RARB: variants seen among roughly 807,000 people sequenced by gnomAD.
The protein encoded by RARB is HBV-activated protein.
A neutral mutation model predicts 51.9 loss-of-function variants in RARB; 17 were observed. The observed-to-expected ratio is 0.33, with a 90% CI of 0.22 to 0.49. The LOEUF is 0.49. Ranked by LOEUF, RARB falls within the 20% of genes least tolerant of loss-of-function variation. The pLI is 0.99. For missense variants in RARB, 369 were observed against 550.8 expected (o/e 0.67, Z 3.30); for synonymous variants, 215 against 195.4 (o/e 1.10, Z -0.84).
chr3:25,010,958 C>T (rs764122904), intron 2 of RARB, among the ~76,000 whole-genome samples: 6 of 152,110 alleles, frequency 3.9e-5, no homozygotes, highest in Non-Finnish European at 7.4e-5. Context: ...GCTTTGCTTT[C>T]TTTTCACATC....
chr3:25,103,594 A>G (rs1017238320), intron 3 of RARB, among the ~76,000 whole-genome samples: 2 of 152,228 alleles, frequency 1.3e-5, no homozygotes, highest in Admixed American at 1.3e-4. Flanking sequence ...ACAGAAGGCC[A>G]TCTTTGAGCA....
At chr3:24,946,157 C>G (rs1233021932) in intron 2 of RARB, among the ~76,000 whole-genome samples, 1 of 149,806 alleles carries the variant, frequency 6.7e-6, no homozygotes, top group Middle Eastern at 3.4e-3. Flanking sequence ...CCCAGCTACT[C>G]GGGAGACTGA....
At chr3:25,067,832 A>G (rs548399674) in intron 3 of RARB, among the ~76,000 whole-genome samples, 1 of 152,056 alleles carries the variant, frequency 6.6e-6, no homozygotes, top group African/African-American at 2.4e-5. Flanking sequence ...ATTAACTCCT[A>G]TTCTTCTAGG....
chr3:25,174,929 A>C (rs1700714331), intron 5 of RARB, among the ~76,000 whole-genome samples: 1 of 152,248 alleles, frequency 6.6e-6, no homozygotes, highest in African/African-American at 2.4e-5. Flanking sequence ...CATAAAAATC[A>C]CTAATGATAA....
chr3:25,245,122 T>G (rs1162387772), intron 5 of RARB, among the ~76,000 whole-genome samples: 1 of 152,052 alleles, frequency 6.6e-6, no homozygotes, highest in Non-Finnish European at 1.5e-5. Context: ...AGACTAAGAT[T>G]GCAACTCCTG....
chr3:25,005,804 T>A (rs999023711), intron 2 of RARB, among the ~76,000 whole-genome samples: 1 of 152,164 alleles, frequency 6.6e-6, no homozygotes, highest in Non-Finnish European at 1.5e-5. Flanking sequence ...AACTTTGATA[T>A]GCAAGTCAGA....
intron 3 of RARB, among the ~76,000 whole-genome samples, chr3:25,507,378 T>A (rs758808455): frequency 1.3e-5 from 2 of 152,246 alleles, no homozygotes; most frequent in African/African-American, 2.4e-5. Flanking sequence ...CATTCGTTTA[T>A]CTGCTAGGGG....
chr3:25,565,239 A>G (rs1700444793), intron 3 of RARB, among the ~76,000 whole-genome samples: 1 of 152,104 alleles, frequency 6.6e-6, no homozygotes. Flanking sequence ...CAGGCAGGGT[A>G]CTCACCTTCC....
intron 2 of RARB, among the ~76,000 whole-genome samples, chr3:24,968,034 G>C (rs1184753355): frequency 6.6e-6 from 1 of 152,108 alleles, no homozygotes; most frequent in Non-Finnish European, 1.5e-5. Flanking sequence ...TTGGAGCTTT[G>C]GTGTCTTTTT....
intron 3 of RARB, among the ~76,000 whole-genome samples, chr3:25,114,300 C>T (rs528160983): frequency 6.6e-6 from 1 of 152,302 alleles, no homozygotes; most frequent in Admixed American, 6.5e-5. Flanking sequence ...CAAGAAGAGC[C>T]ATGTGCCCAA....
chr3:25,037,002 C>T (rs1366663883), intron 2 of RARB, among the ~76,000 whole-genome samples: 1 of 152,176 alleles, frequency 6.6e-6, no homozygotes, highest in African/African-American at 2.4e-5. Flanking sequence ...GGTTTTATTT[C>T]CCTCCTGTCA....
chr3:25,439,819 G>A (rs2125526672), intron 1 of RARB, among the ~76,000 whole-genome samples: 1 of 152,330 alleles, frequency 6.6e-6, no homozygotes, highest in Non-Finnish European at 1.5e-5. Flanking sequence ...AAAGAGACAG[G>A]TGGACAAATT....
chr3:25,095,060 C>G (rs1441066922), intron 3 of RARB, among the ~76,000 whole-genome samples: 1 of 152,146 alleles, frequency 6.6e-6, no homozygotes, highest in Non-Finnish European at 1.5e-5. Context: ...TCCTTCTGGC[C>G]TCTGGTCCAG....
At chr3:25,581,488 C>T (rs1050114396) in intron 5 of RARB, among the ~76,000 whole-genome samples, 2 of 152,108 alleles carry the variant, frequency 1.3e-5, no homozygotes, top group African/African-American at 4.8e-5. Context: ...GTGCTGACCC[C>T]CTTACCCTCT....
intron 2 of RARB, among the ~76,000 whole-genome samples, chr3:25,483,388 G>C (rs1358299766): frequency 6.6e-6 from 1 of 152,148 alleles, no homozygotes; most frequent in Non-Finnish European, 1.5e-5. Flanking sequence ...CTGTGGTAGA[G>C]GATGTCAGAT....
At chr3:25,550,381 TG>T (rs1273242041) in intron 3 of RARB, among the ~76,000 whole-genome samples, 1 of 152,138 alleles carries the variant, frequency 6.6e-6, no homozygotes, top group Non-Finnish European at 1.5e-5. Context: ...TTCTGAAGGC[TG>T]GGAAGTCCAA....
At chr3:25,310,521 C>G (rs1349188038) in intron 5 of RARB, among the ~76,000 whole-genome samples, 1 of 152,184 alleles carries the variant, frequency 6.6e-6, no homozygotes, top group East Asian at 1.9e-4. Context: ...ACCTGGACCT[C>G]TCTAGATACC....
At chr3:25,344,797 G>C (rs1008758889) in intron 5 of RARB, among the ~76,000 whole-genome samples, 5 of 152,116 alleles carry the variant, frequency 3.3e-5, no homozygotes, top group African/African-American at 1.2e-4. Context: ...AACTATAAAA[G>C]CTTTTTGGAA....
intron 3 of RARB, among the ~76,000 whole-genome samples, chr3:25,095,690 G>C (rs1023385669): frequency 2.0e-5 from 3 of 152,066 alleles, no homozygotes; most frequent in African/African-American, 7.2e-5. Context: ...AGCTGAGGGA[G>C]GATTTTGGAA....
Sources: gnomAD v4.1 joint callset for allele counts (sites outside exome capture counted in the v4.1 genomes callset) on GRCh38, gnomAD v4.1.1 for gene constraint, MANE v1.5 for transcripts, NCBI Gene and HGNC (gene_info 2026-07-23, HGNC 2026-07-21) for gene names.